PHF19: variants seen among roughly 807,000 people sequenced by gnomAD.
PHF19 encodes the protein polycomb like 3.
A neutral mutation model predicts 79.8 loss-of-function variants in PHF19; 21 were observed. The observed-to-expected ratio is 0.26, with a 90% CI of 0.19 to 0.38. The LOEUF is 0.38. Among genes scored for constraint, PHF19 ranks in the 10% least tolerant of loss-of-function variants. The pLI is 1.00. For missense variants in PHF19, 445 were observed against 744.2 expected, an observed-to-expected ratio of 0.60 and a Z score of 4.68; for synonymous variants, 273 against 296.3, an observed-to-expected ratio of 0.92 and a Z score of 0.81.
At position 120,862,498 on chromosome 9, in the gene PHF19, A is replaced by G; in HGVS notation, c.1130+90T>C. On this transcript the variant is annotated intron_variant, in intron 11 of 14. Coordinates refer to ENST00000373896, the MANE Select transcript of PHF19 (RefSeq NM_015651.3). The surrounding 1 kb of genome is among the most constrained non-coding windows in gnomAD (Gnocchi z 4.6). ...GCCCTCTCAGGGTCCTACAGCTGGGACTGGCTGGGTGCAGGTCCTCCTTGC... is the reference window on the plus strand; with the variant it reads ...GCCCTCTCAGGGTCCTACAGCTGGGGCTGGCTGGGTGCAGGTCCTCCTTGC... The G allele has an allele frequency of 8.8e-7, 1 of 1,138,576 alleles. No homozygotes were observed. The highest frequency in any genetic ancestry group is 1.3e-6 in the Non-Finnish European group (1 of 767,394). The allele number at this position is 1,138,576 out of a possible 1,614,324, so 70.5% of individuals were successfully genotyped here.
Position 120,870,361 on chromosome 9 carries a change from G to A in PHF19, c.364+82C>T, listed in dbSNP as rs1178906849. The A allele has an allele frequency of 5.9e-6, 5 of 850,522 alleles. No individual in the cohort carries two copies. The Admixed American group carries it at 9.7e-5, about 17-fold the overall frequency. 52.7% of individuals were successfully genotyped at this position (850,522 alleles called of 1,614,324 possible). Reference sequence around the variant, plus strand: ...CAGGAAGCCAGCTGAGGCCCCAACAGGCTGCAGCAGTACCCGTCAGGGGCC... The same window carrying A: ...CAGGAAGCCAGCTGAGGCCCCAACAAGCTGCAGCAGTACCCGTCAGGGGCC... On this transcript the variant is annotated intron_variant, in intron 4 of 14. Transcript: ENST00000373896. This position sits in a 1 kb window ranked among gnomAD's most constrained non-coding sequence, Gnocchi z 4.4.
chr9:120,870,859 G>A lies in PHF19; in HGVS notation c.269-321C>T, dbSNP rs1466667708. 6.6e-6 allele frequency among the ~76,000 whole-genome samples: 1 copy of A among 152,126 alleles called. No individual in the cohort carries two copies. Among genetic ancestry groups the A allele is most frequent in the Non-Finnish European group, 1.5e-5 (1 of 68,030 alleles). ...TCTCCCGCCTTATTTAACTTGTTTT[G>A]TTAAATGGTTGTTATTTTCTTAAAA... On this transcript the variant is annotated intron_variant, in intron 3 of 14. Transcript: ENST00000373896. This position sits in a 1 kb window ranked among gnomAD's most constrained non-coding sequence, Gnocchi z 4.4.
chr9:120,870,429 C>A lies in PHF19; in HGVS notation c.364+14G>T. 1 of 1,567,994 alleles carries A rather than the reference C, an allele frequency of 6.4e-7. No individual in the cohort carries two copies. Among genetic ancestry groups the A allele is most frequent in the East Asian group, 2.2e-5 (1 of 44,660 alleles). On this transcript the variant is annotated intron_variant, in intron 4 of 14. Coordinates refer to ENST00000373896, the MANE Select transcript of PHF19 (RefSeq NM_015651.3). The surrounding 1 kb of genome is among the most constrained non-coding windows in gnomAD (Gnocchi z 4.4). ...AGGTCGGGGCCTTCTCAGGGCCCTG[C>A]TCGCTCCACTCACCCAGGCCACACT...
chr9:120,863,946 G>GT, intron 10 of PHF19, 103 bp downstream of exon 10: 1 of 923,034 alleles, frequency 1.1e-6, no homozygotes, highest in East Asian at 2.6e-5. Context: ...GAGAAGGGGA[G>GT]TATCAGAGAG....
In PHF19 at chr9:120,860,366, G is replaced by A; in HGVS notation, c.1305-181C>T. ...CCAGCCACCCTTCAAAGTCCAAGAA[G>A]TCAAAAAAACCTCCTGGAGCACCCT... On this transcript the variant is annotated intron_variant, in intron 13 of 14. Transcript: ENST00000373896. This position sits in a 1 kb window ranked among gnomAD's most constrained non-coding sequence, Gnocchi z 4.1. The A allele has an allele frequency of 1.7e-6, 1 of 576,432 alleles. No homozygotes were observed. The highest frequency in any genetic ancestry group is 3.1e-6 in the Non-Finnish European group (1 of 320,448). The allele number at this position is 576,432 out of a possible 1,614,324, so 35.7% of individuals were successfully genotyped here.
At chr9:120,894,796 T>C in exon 1 of PHF19, 2 of 1,230,320 alleles carry the variant, frequency 1.6e-6, no homozygotes, top group Non-Finnish European at 2.0e-6. Flanking sequence ...ACCTGGGCGC[T>C]GGGATAGGGA....
At chr9:120,901,561 G>A in the PHF19 span, among the ~76,000 whole-genome samples, 1 of 152,170 alleles carries the variant, frequency 6.6e-6, no homozygotes, top group South Asian at 2.1e-4. Flanking sequence ...GGCTTTTCTG[G>A]CCTTAGTTTC....
At chr9:120,883,761 CAAAA>C (rs563911814) in intron 1 of PHF19, among the ~76,000 whole-genome samples, 14,703 of 109,734 alleles carry the variant, frequency 0.13, 1,064 homozygotes, top group African/African-American at 0.25. Context: ...ACACTGTCTC[CAAAA>C]AAAAAAAAAA....
At chr9:120,887,850 A>G (rs1312879026) in intron 1 of PHF19, among the ~76,000 whole-genome samples, 1 of 152,218 alleles carries the variant, frequency 6.6e-6, no homozygotes, top group Non-Finnish European at 1.5e-5. Flanking sequence ...AAGCATCTGT[A>G]TACATACCTA....
Position 120,861,110 on chromosome 9 carries a change from T to G in PHF19, c.1283A>C (p.Asp428Ala). ...ATACCTTTTTAAACTTTGAATTTCATCCAGCGTGAAGTCAAATATGCTAGC... is the reference window on the plus strand; with the variant it reads ...ATACCTTTTTAAACTTTGAATTTCAGCCAGCGTGAAGTCAAATATGCTAGC... ...HLASIFDFTL[D>A]EIQSLKSASS... is the part of the protein sequence containing the mutation. Residue 428 changes from aspartate to alanine, a missense_variant, in exon 13 of 15, where the codon GAT (aspartate) becomes GCT (alanine). By Grantham distance (126) the Asp-to-Ala change is moderately radical. Around this residue, in one of 5 missense-constraint regions of PHF19, gnomAD observed 125 missense variants for 180.5 expected, o/e 0.69. Coordinates refer to ENST00000373896, the MANE Select transcript of PHF19 (RefSeq NM_015651.3). 6.2e-7 allele frequency: 1 copy of G among 1,607,122 alleles called. No individual in the cohort carries two copies. The highest frequency in any genetic ancestry group is 1.1e-5 in the South Asian group (1 of 90,948).
chr9:120,874,073 T>C lies in PHF19; in HGVS notation c.187-13A>G. 1 of 1,516,200 alleles carries C rather than the reference T, an allele frequency of 6.6e-7. No homozygotes were observed. Among genetic ancestry groups the C allele is most frequent in the South Asian group, 1.1e-5 (1 of 88,022 alleles). 93.9% of individuals were successfully genotyped at this position (1,516,200 alleles called of 1,614,324 possible). ...TAGAGCTGCTGACCTGGGGTACAGA[T>C]AGGAAGGAGCAAGTGAGAAAGGGCT... is the stretch of plus-strand genomic sequence containing the variant. On this transcript the variant is annotated splice_polypyrimidine_tract_variant and intron_variant, in intron 2 of 14. Transcript: ENST00000373896. The surrounding 1 kb of genome is among the most constrained non-coding windows in gnomAD (Gnocchi z 4.5).
chr9:120,896,635 A>G (rs998771833), upstream of PHF19, among the ~76,000 whole-genome samples: 6 of 151,342 alleles, frequency 4.0e-5, no homozygotes, highest in South Asian at 2.1e-4. Context: ...TTGTATTTTT[A>G]GTAGAGACGG....
rs369127596 is a variant in PHF19, at chr9:120,858,318, G to T, written c.1401-32C>A. On this transcript the variant is annotated intron_variant, in intron 14 of 14. Transcript: ENST00000373896. ...CAGAAGTGGGAGAGGAAGATGATGA[G>T]AATGAGGTAGAACAATCACAGTAAA... The T allele has an allele frequency of 1.3e-4, 186 of 1,460,090 alleles. No homozygotes were observed. In the African/African-American group the frequency reaches 1.5e-3, roughly 12 times the overall value. 90.4% of individuals were successfully genotyped at this position (1,460,090 alleles called of 1,614,324 possible). A position where few individuals can be genotyped will look rare whatever the true frequency, so the allele number is the denominator to read the frequency against.
Position 120,874,597 on chromosome 9 carries a change from G to A in PHF19, c.145C>T (p.Arg49Trp), listed in dbSNP as rs1588121930. 1 of 1,613,796 alleles carries A rather than the reference G, an allele frequency of 6.2e-7. No individual in the cohort carries two copies. Among genetic ancestry groups the A allele is most frequent in the African/African-American group, 1.3e-5 (1 of 75,016 alleles). Reference protein sequence around the residue: ...KLTEGQYVLCRWTDGLYYLGK... With the variant: ...KLTEGQYVLCWWTDGLYYLGK... ...AGGTAGTACAGGCCATCTGTCCACC[G>A]GCACAGCACATACTGGCCCTCCGTC... Residue 49 changes from arginine to tryptophan, a missense_variant, in exon 2 of 15, where the codon CGG becomes TGG. Physicochemically the swap from Arg to Trp is moderately radical, Grantham distance 101 (BLOSUM62 -3). This residue lies in a region of PHF19 where 167 missense variants were observed against 375.8 expected (regional missense o/e 0.44). Transcript: ENST00000373896. The surrounding 1 kb of genome is among the most constrained non-coding windows in gnomAD (Gnocchi z 4.5).
chr9:120,896,953 G>A (rs2046407894), upstream of PHF19, among the ~76,000 whole-genome samples: 1 of 152,232 alleles, frequency 6.6e-6, no homozygotes, highest in African/African-American at 2.4e-5. Flanking sequence ...AGAGTGTAGT[G>A]GGCAGGGCCC....
upstream of PHF19, chr9:120,894,906 C>A: frequency 1.3e-6 from 1 of 745,596 alleles, no homozygotes; most frequent in Non-Finnish European, 1.8e-6. Flanking sequence ...TAGAAGGCGT[C>A]AGAGAGTCGA....
At position 120,869,246 on chromosome 9, in the gene PHF19, C is replaced by T. The variant is rs544063862; in HGVS notation, c.550G>A (p.Glu184Lys). Reference sequence around the variant, plus strand: ...TTGGTGCGATGGGGCGAGTCCCACTCGAGCTCCTCGGGCTGGTAGGACAGC... The same window carrying T: ...TTGGTGCGATGGGGCGAGTCCCACTTGAGCTCCTCGGGCTGGTAGGACAGC... ...MVLSYQPEELEWDSPHRTNQQ... is the reference protein window; with the variant it reads ...MVLSYQPEELKWDSPHRTNQQ... Residue 184 changes from glutamate (E) to lysine (K), a missense_variant, in exon 6 of 15, where the codon GAG (glutamate) becomes AAG (lysine). Transcript: ENST00000373896. This position sits in a 1 kb window ranked among gnomAD's most constrained non-coding sequence, Gnocchi z 5.8. The T allele has an allele frequency of 2.5e-6, 4 of 1,612,570 alleles. No individual in the cohort carries two copies. Among genetic ancestry groups the T allele is most frequent in the South Asian group, 2.2e-5 (2 of 90,748 alleles).
At chr9:120,872,037 C>CAAAAAAAAAGAAAGA (rs2045912428) in intron 3 of PHF19, among the ~76,000 whole-genome samples, 1 of 30,322 alleles carries the variant, frequency 3.3e-5, no homozygotes, top group Non-Finnish European at 5.5e-5. Flanking sequence ...GACTCTGTCT[C>CAAAAAAAAAGAAAGA]AAAAAAAAAA....
intron 1 of PHF19, among the ~76,000 whole-genome samples, chr9:120,887,820 A>T (rs2046288339): frequency 6.6e-6 from 1 of 152,134 alleles, no homozygotes; most frequent in Admixed American, 6.5e-5. Context: ...GGTATTGGAG[A>T]AGCCCCATCG....
Sources: gnomAD v4.1 joint callset for allele counts (sites outside exome capture counted in the v4.1 genomes callset) on GRCh38, gnomAD v4.1.1 for gene constraint, gnomAD v4.1.1 regional missense constraint, Gnocchi (gnomAD v3.1) non-coding constraint, MANE v1.5 for transcripts, NCBI Gene and HGNC (gene_info 2026-07-23, HGNC 2026-07-21) for gene names.